The following AHI1 variants were observed in gnomAD, a reference collection of about 807,000 sequenced individuals.
The protein encoded by AHI1 is jouberin.
AHI1 carries 123 observed loss-of-function variants against 149.3 expected under a neutral mutation model. The ratio of observed to expected loss-of-function variants is 0.82; its 90% CI spans 0.71 to 0.96. AHI1 has a LOEUF of 0.96. AHI1 is among the 40% of genes least tolerant of loss of function. AHI1 has a pLI of 0.00. For synonymous variants in AHI1, 475 were observed against 459.8 expected (o/e 1.03, Z -0.42); for missense variants, 1,439 against 1,422.7 (o/e 1.01, Z -0.18).
intron 5 of AHI1, among the ~76,000 whole-genome samples, chr6:135,480,039 C>T (rs967681054): frequency 8.5e-5 from 13 of 152,174 alleles, no homozygotes; most frequent in South Asian, 2.1e-4. Flanking sequence ...TCCAATACAG[C>T]GTGCTGAACT....
chr6:135,324,536 A>G (rs1198229419), intron 24 of AHI1, among the ~76,000 whole-genome samples: 1 of 114,106 alleles, frequency 8.8e-6, no homozygotes, highest in Non-Finnish European at 1.7e-5. Context: ...AAAATTACAT[A>G]TATAGTTATA....
chr6:135,384,764 A>G (rs1413404199), intron 23 of AHI1, among the ~76,000 whole-genome samples: 2 of 152,170 alleles, frequency 1.3e-5, no homozygotes, highest in African/African-American at 4.8e-5. Context: ...GCACTGGCCC[A>G]TATGGTACCT....
At chr6:135,424,670 GGGAAAGAT>G (rs1184859155) in intron 20 of AHI1, among the ~76,000 whole-genome samples, 1 of 151,920 alleles carries the variant, frequency 6.6e-6, no homozygotes, top group African/African-American at 2.4e-5. Context: ...ATGTTTACCA[GGGAAAGAT>G]GCTTGCTAAC....
chr6:135,337,775 A>AG (rs1236744337), intron 24 of AHI1, among the ~76,000 whole-genome samples: 1 of 151,196 alleles, frequency 6.6e-6, no homozygotes, highest in Non-Finnish European at 1.5e-5. Context: ...AAAAAGAAAA[A>AG]AAAAAAAAAA....
chr6:135,313,678 A>C (rs1262787424), intron 26 of AHI1, among the ~76,000 whole-genome samples: 1 of 152,230 alleles, frequency 6.6e-6, no homozygotes, highest in African/African-American at 2.4e-5. Flanking sequence ...CAGTGAGTCC[A>C]CCTAAGTAGA....
intron 17 of AHI1, 138 bp from the exon 18 acceptor site, chr6:135,430,138 T>A (rs1784448030): frequency 1.8e-6 from 1 of 553,714 alleles, no homozygotes; most frequent in Non-Finnish European, 3.2e-6. Flanking sequence ...AAAAGGATTC[T>A]GAGTAACGTC....
chr6:135,479,808 T>C (rs1204293387), intron 5 of AHI1, among the ~76,000 whole-genome samples: 1 of 152,188 alleles, frequency 6.6e-6, no homozygotes, highest in African/African-American at 2.4e-5. Flanking sequence ...TCATGATGAA[T>C]TACCACATGT....
At chr6:135,429,037 T>C (rs1053419073) in intron 18 of AHI1, among the ~76,000 whole-genome samples, 9 of 151,638 alleles carry the variant, frequency 5.9e-5, no homozygotes, top group African/African-American at 1.9e-4. Flanking sequence ...GAAGAGTTCT[T>C]TTCAAACTTG....
chr6:135,364,660 C>T (rs2128447331), intron 23 of AHI1, among the ~76,000 whole-genome samples: 1 of 152,244 alleles, frequency 6.6e-6, no homozygotes, highest in South Asian at 2.1e-4. Context: ...GAGGCCGAGG[C>T]TGGCGGATCA....
chr6:135,476,131 T>C (rs1012288727), intron 5 of AHI1, among the ~76,000 whole-genome samples: 3 of 152,194 alleles, frequency 2.0e-5, no homozygotes, highest in African/African-American at 4.8e-5. Flanking sequence ...CAGCATTCCA[T>C]AAATTTTGAT....
chr6:135,354,730 A>C (rs1262325032), intron 24 of AHI1, among the ~76,000 whole-genome samples: 1 of 152,176 alleles, frequency 6.6e-6, no homozygotes, highest in Non-Finnish European at 1.5e-5. Context: ...GGCATGATGT[A>C]AGTCTTTTCA....
intron 27 of AHI1, 97 bp from the exon 28 acceptor site, chr6:135,290,622 A>T: frequency 8.7e-7 from 1 of 1,153,812 alleles, no homozygotes. Context: ...CAGTGGAAAC[A>T]AAAATGGGGA....
At chr6:135,492,162 T>TA (rs1795341379) in intron 4 of AHI1, 66 bp downstream of exon 4, 1 of 1,292,166 alleles carries the variant, frequency 7.7e-7, no homozygotes, top group African/African-American at 1.5e-5. Flanking sequence ...TCCCTTAAAA[T>TA]AAACCAAACT....
At chr6:135,398,056 A>ATGTTT (rs1554315329) in intron 22 of AHI1, among the ~76,000 whole-genome samples, 29 of 96,608 alleles carry the variant, frequency 3.0e-4, no homozygotes, top group African/African-American at 1.2e-3. Flanking sequence ...AATACCCAGG[A>ATGTTT]TGTTTTTTTT....
intron 26 of AHI1, among the ~76,000 whole-genome samples, chr6:135,313,882 G>T (rs1379197454): frequency 6.6e-6 from 1 of 152,142 alleles, no homozygotes; most frequent in African/African-American, 2.4e-5. Context: ...GGGAGGGGGG[G>T]TCAGGTCACC....
intron 24 of AHI1, among the ~76,000 whole-genome samples, chr6:135,338,565 A>G (rs11961478): frequency 0.012 from 1,781 of 152,332 alleles, 27 homozygotes; most frequent in African/African-American, 0.039. Flanking sequence ...GGCTCCTCCA[A>G]CAATGCAAGA....
At chr6:135,452,723 C>T (rs1190855227) in intron 11 of AHI1, among the ~76,000 whole-genome samples, 1 of 151,992 alleles carries the variant, frequency 6.6e-6, no homozygotes, top group Non-Finnish European at 1.5e-5. Flanking sequence ...ATTCTTCTCC[C>T]CTTAGTCTCT....
chr6:135,316,454 A>G (rs905977950), intron 26 of AHI1, among the ~76,000 whole-genome samples: 6 of 152,214 alleles, frequency 3.9e-5, no homozygotes, highest in Non-Finnish European at 8.8e-5. Context: ...TGATACCGGT[A>G]CAAAGCTACC....
At chr6:135,420,049 C>T (rs539848381) in intron 20 of AHI1, among the ~76,000 whole-genome samples, 22 of 152,132 alleles carry the variant, frequency 1.4e-4, no homozygotes, top group Non-Finnish European at 3.2e-4. Context: ...TGCAGTAATT[C>T]ATTCATATCT....
Sources: allele counts gnomAD v4.1 joint callset (sites outside exome capture counted in the v4.1 genomes callset), GRCh38; gene constraint gnomAD v4.1.1; transcripts MANE v1.5; gene names NCBI Gene and HGNC (gene_info 2026-07-23, HGNC 2026-07-21).